The following TMEM232 variants were observed in gnomAD, a reference collection of about 807,000 sequenced individuals.
The protein encoded by TMEM232 is transmembrane protein 232.
In TMEM232, 80 loss-of-function variants were observed where a neutral mutation model predicts 78.8. The observed-to-expected ratio is 1.01, with a 90% CI of 0.85 to 1.22. TMEM232 has a LOEUF of 1.22. TMEM232 is among the 50% of genes most tolerant of loss of function. TMEM232 has a pLI of 0.00. For synonymous variants in TMEM232, 297 were observed against 254.3 expected, an observed-to-expected ratio of 1.17 and a Z score of -1.60; for missense variants, 881 against 742.2, an observed-to-expected ratio of 1.19 and a Z score of -2.17.
At chr5:110,443,829 T>C (rs925427527) in intron 12 of TMEM232, among the ~76,000 whole-genome samples, 4 of 152,128 alleles carry the variant, frequency 2.6e-5, no homozygotes, top group Non-Finnish European at 5.9e-5. Context: ...GGTCCTTCCT[T>C]TCAAGGCAGT....
chr5:110,468,096 T>C (rs920490750), intron 12 of TMEM232, among the ~76,000 whole-genome samples: 1 of 151,740 alleles, frequency 6.6e-6, no homozygotes, highest in Admixed American at 6.6e-5. Flanking sequence ...GGGATATTCA[T>C]TGGAAGAAAA....
At chr5:110,626,682 T>C (rs550590451) in intron 6 of TMEM232, among the ~76,000 whole-genome samples, 56 of 152,184 alleles carry the variant, frequency 3.7e-4, no homozygotes, top group Non-Finnish European at 2.9e-5. Context: ...TATGCTTAAA[T>C]TTTCCCTCGC....
intron 11 of TMEM232, among the ~76,000 whole-genome samples, chr5:110,552,697 A>C (rs966889541): frequency 4.6e-5 from 7 of 152,186 alleles, no homozygotes; most frequent in African/African-American, 1.7e-4. Context: ...TTCATATTCA[A>C]GAGAAATATG....
chr5:110,405,731 T>TA (rs36094551), intron 2 of TMEM232, among the ~76,000 whole-genome samples: 13,850 of 135,630 alleles, frequency 0.1, 832 homozygotes, highest in South Asian at 0.19. Flanking sequence ...GGACACAGTT[T>TA]AAAAAAAAAA....
intron 12 of TMEM232, among the ~76,000 whole-genome samples, chr5:110,431,966 A>C (rs2112686649): frequency 6.6e-6 from 1 of 151,856 alleles, no homozygotes; most frequent in South Asian, 2.1e-4. Flanking sequence ...TTCAAGGGAT[A>C]AATTTTGGTA....
At chr5:110,479,627 T>C (rs1763645196) in intron 12 of TMEM232, among the ~76,000 whole-genome samples, 1 of 151,924 alleles carries the variant, frequency 6.6e-6, no homozygotes, top group South Asian at 2.1e-4. Flanking sequence ...ATTTTATTAA[T>C]GAATTTACCA....
At chr5:110,691,835 T>C (rs1266450614) in intron 1 of TMEM232, among the ~76,000 whole-genome samples, 1 of 152,242 alleles carries the variant, frequency 6.6e-6, no homozygotes, top group Non-Finnish European at 1.5e-5. Flanking sequence ...ACTTCACTGC[T>C]CCCCTTCTTC....
chr5:110,703,270 A>G (rs1795608549), intron 1 of TMEM232, among the ~76,000 whole-genome samples: 1 of 150,284 alleles, frequency 6.7e-6, no homozygotes, highest in East Asian at 1.9e-4. Flanking sequence ...AAAGCCCCCC[A>G]CCCTTGCTTG....
intron 10 of TMEM232, among the ~76,000 whole-genome samples, chr5:110,599,492 G>C (rs1252227668): frequency 6.6e-6 from 1 of 151,908 alleles, no homozygotes; most frequent in Non-Finnish European, 1.5e-5. Flanking sequence ...CAAGCAAATG[G>C]AAAGCAAAAA....
At chr5:110,640,399 G>A (rs571953773) in intron 4 of TMEM232, among the ~76,000 whole-genome samples, 2 of 150,484 alleles carry the variant, frequency 1.3e-5, no homozygotes, top group East Asian at 1.9e-4. Flanking sequence ...TAGAAATAAC[G>A]TTGTTTAATT....
chr5:110,669,549 G>C (rs2150138937), intron 1 of TMEM232, among the ~76,000 whole-genome samples: 1 of 152,228 alleles, frequency 6.6e-6, no homozygotes, highest in East Asian at 1.9e-4. Context: ...TTCTACCAGA[G>C]GTACAAGGCG....
intron 2 of TMEM232, among the ~76,000 whole-genome samples, chr5:110,657,807 C>T (rs1220308952): frequency 1.3e-5 from 2 of 152,108 alleles, no homozygotes; most frequent in East Asian, 3.9e-4. Context: ...TTTAAAACAG[C>T]AGTTTCATTA....
intron 1 of TMEM232, among the ~76,000 whole-genome samples, chr5:110,691,869 T>A (rs749108332): frequency 6.6e-6 from 1 of 152,250 alleles, no homozygotes; most frequent in Non-Finnish European, 1.5e-5. Flanking sequence ...ACAGAATGTA[T>A]AAATACAGTG....
At chr5:110,611,545 G>C (rs1011158992) in intron 8 of TMEM232, among the ~76,000 whole-genome samples, 1 of 152,068 alleles carries the variant, frequency 6.6e-6, no homozygotes, top group Non-Finnish European at 1.5e-5. Flanking sequence ...AGGCGTTTCT[G>C]GCTGTTGATT....
At chr5:110,587,685 A>ATGTG (rs1415185509) in intron 10 of TMEM232, among the ~76,000 whole-genome samples, 6 of 90,642 alleles carry the variant, frequency 6.6e-5, no homozygotes, top group Non-Finnish European at 1.2e-4. Context: ...ATATATATAT[A>ATGTG]TATATATGTG....
chr5:110,513,088 C>T (rs1768025895), intron 12 of TMEM232, among the ~76,000 whole-genome samples: 1 of 152,102 alleles, frequency 6.6e-6, no homozygotes, highest in Non-Finnish European at 1.5e-5. Flanking sequence ...GGTTCTGTTT[C>T]ACCAATGGAA....
intron 8 of TMEM232, among the ~76,000 whole-genome samples, chr5:110,614,468 C>A (rs1303995987): frequency 6.6e-6 from 1 of 152,038 alleles, no homozygotes; most frequent in Non-Finnish European, 1.5e-5. Flanking sequence ...AAAACTGGTT[C>A]ATTAATGTTT....
At chr5:110,530,735 G>A (rs1322987188) in intron 11 of TMEM232, among the ~76,000 whole-genome samples, 2 of 152,096 alleles carry the variant, frequency 1.3e-5, no homozygotes, top group African/African-American at 2.4e-5. Context: ...GAAGGGCTGG[G>A]GAGATGTTGG....
At chr5:110,730,220 A>G (rs1039769208), upstream of TMEM232, among the ~76,000 whole-genome samples, 10 of 152,208 alleles carry the variant, frequency 6.6e-5, no homozygotes, top group African/African-American at 2.4e-4. Flanking sequence ...TTAGTCCATA[A>G]TACTGCAATT....
Sources: allele counts gnomAD v4.1 joint callset (sites outside exome capture counted in the v4.1 genomes callset), GRCh38; gene constraint gnomAD v4.1.1; transcripts MANE v1.5; gene names NCBI Gene and HGNC (gene_info 2026-07-23, HGNC 2026-07-21).